Variants in PTBP3 observed in about 807,000 individuals in gnomAD.
PTBP3 encodes the protein polypyrimidine tract-binding protein 3.
PTBP3 carries 20 observed loss-of-function variants against 58.7 expected under a neutral mutation model. The observed-to-expected ratio is 0.34, with a 90% CI of 0.24 to 0.50. The LOEUF is 0.50. Among genes scored for constraint, PTBP3 ranks in the 20% least tolerant of loss-of-function variants. The probability of loss-of-function intolerance (pLI) is 0.98; values close to 1 mark genes in which losing one functional copy is unlikely to be tolerated. For missense variants in PTBP3, 509 were observed against 637.2 expected, an observed-to-expected ratio of 0.80 and a Z score of 2.17; for synonymous variants, 185 against 219.8, an observed-to-expected ratio of 0.84 and a Z score of 1.40.
chr9:112,268,103 A>G lies in PTBP3; in HGVS notation c.297T>C (p.Tyr99=). Residue 99 remains tyrosine (Y), a synonymous_variant, in exon 4 of 14, where the codon TAT becomes TAC. Coordinates refer to ENST00000374257, the MANE Select transcript of PTBP3 (RefSeq NM_001163788.4). ...GTTCTCTGTGATTGGAATACTGAATATAAACAGGCTGGCTTCGAAGGTGAG... is the reference window on the plus strand; with the variant it reads ...GTTCTCTGTGATTGGAATACTGAATGTAAACAGGCTGGCTTCGAAGGTGAG... ...ITPHLRSQPV[Y]IQYSNHRELK... 6.2e-7 allele frequency: 1 copy of G among 1,613,898 alleles called. No homozygotes were observed. The highest frequency in any genetic ancestry group is 8.5e-7 in the Non-Finnish European group (1 of 1,179,798).
At chr9:112,276,138 C>T in intron 2 of PTBP3, 125 bp from the exon 3 acceptor site, 1 of 780,006 alleles carries the variant, frequency 1.3e-6, no homozygotes, top group Non-Finnish European at 2.1e-6. Context: ...AAACGTGGGG[C>T]TGATGGGGGT....
chr9:112,267,465 T>C (rs1827144923), intron 4 of PTBP3, among the ~76,000 whole-genome samples: 1 of 152,200 alleles, frequency 6.6e-6, no homozygotes, highest in Admixed American at 6.5e-5. Context: ...TTAAAATGTA[T>C]TTACTTTGTG....
At chr9:112,331,725 G>A (rs1254967913) in intron 1 of PTBP3, among the ~76,000 whole-genome samples, 1 of 152,180 alleles carries the variant, frequency 6.6e-6, no homozygotes, top group African/African-American at 2.4e-5. Flanking sequence ...CTGTATAACT[G>A]CCTTGCATAT....
chr9:112,330,830 T>C lies in PTBP3; in HGVS notation c.-52+2640A>G, dbSNP rs2132491883. ...AGTTTGTTCTTTTAAGTCACTGGCA[T>C]GAATAATCGTGTCTGAGGTTTTAAA... On this transcript the variant is annotated intron_variant, in intron 1 of 13. Transcript: ENST00000374257. 2.0e-5 allele frequency among the ~76,000 whole-genome samples: 3 copies of C among 152,308 alleles called. 1 individual carries two copies. In the Middle Eastern group the frequency reaches 0.01, roughly 518 times the overall value.
Position 112,267,133 on chromosome 9 carries a change from G to A in PTBP3, c.351+916C>T, listed in dbSNP as rs75337346. Among the ~76,000 whole-genome samples the A allele has an allele frequency of 9.1e-3, 1,366 of 150,908 alleles. 24 individuals carry two copies. Among genetic ancestry groups the A allele is most frequent in the African/African-American group, 0.027 (1,095 of 41,098 alleles). On this transcript the variant is annotated intron_variant, in intron 4 of 13. Coordinates refer to ENST00000374257, the MANE Select transcript of PTBP3 (RefSeq NM_001163788.4). ...GAGCAAGAATACAGAGGCCAAACAT[G>A]CCCTTAAAATCATAATTTTAAAAAA...
At chr9:112,377,808 C>T in the PTBP3 span, among the ~76,000 whole-genome samples, 1 of 152,182 alleles carries the variant, frequency 6.6e-6, no homozygotes, top group Non-Finnish European at 1.5e-5. Flanking sequence ...TCACCATCCT[C>T]CCAGGACTTT....
chr9:112,327,498 T>G (rs921401878), intron 1 of PTBP3, among the ~76,000 whole-genome samples: 3 of 152,130 alleles, frequency 2.0e-5, no homozygotes, highest in Non-Finnish European at 4.4e-5. Context: ...AGGTGGAGAT[T>G]GCAGTGAGCC....
At chr9:112,376,276 A>G in the PTBP3 span, among the ~76,000 whole-genome samples, 2 of 82,754 alleles carry the variant, frequency 2.4e-5, no homozygotes, top group Admixed American at 1.6e-4. Context: ...TTTTTTTGAG[A>G]AAGAGTCTCG....
the PTBP3 span, among the ~76,000 whole-genome samples, chr9:112,362,311 G>T: frequency 6.6e-6 from 1 of 152,092 alleles, no homozygotes; most frequent in South Asian, 2.1e-4. Context: ...AAAAGGAAAA[G>T]AAAAAATATC....
At chr9:112,237,992 C>T (rs1362295861) in intron 7 of PTBP3, among the ~76,000 whole-genome samples, 1 of 152,060 alleles carries the variant, frequency 6.6e-6, no homozygotes, top group Non-Finnish European at 1.5e-5. Context: ...AACGTAGAGC[C>T]TTTAATGCTG....
intron 7 of PTBP3, among the ~76,000 whole-genome samples, chr9:112,240,996 A>C (rs1171257133): frequency 6.6e-6 from 1 of 152,260 alleles, no homozygotes; most frequent in East Asian, 1.9e-4. Context: ...TTGTGTTTCA[A>C]GGTAAGTATT....
chr9:112,372,594 A>C, the PTBP3 span, among the ~76,000 whole-genome samples: 1 of 152,164 alleles, frequency 6.6e-6, no homozygotes, highest in African/African-American at 2.4e-5. Flanking sequence ...TCTGGCAGCC[A>C]CCAATCTGCT....
chr9:112,340,812 G>C, the PTBP3 span, among the ~76,000 whole-genome samples: 904 of 151,496 alleles, frequency 6.0e-3, 18 homozygotes, highest in African/African-American at 0.021. Flanking sequence ...GGAGGCGGAG[G>C]TTGCGGTGAG....
intron 7 of PTBP3, chr9:112,242,948 G>C (rs998169237): frequency 2.6e-5 from 4 of 151,980 alleles, no homozygotes; most frequent in Non-Finnish European, 5.9e-5. Flanking sequence ...ATACAAAACC[G>C]ACTTGTTGAA....
chr9:112,298,221 T>C (rs554265918), intron 1 of PTBP3, among the ~76,000 whole-genome samples: 3 of 152,348 alleles, frequency 2.0e-5, no homozygotes, highest in Non-Finnish European at 2.9e-5. Context: ...GGGGTTGCAT[T>C]ATGACATTGT....
intron 3 of PTBP3, among the ~76,000 whole-genome samples, chr9:112,275,480 TC>T (rs1827570938): frequency 6.6e-6 from 1 of 152,204 alleles, no homozygotes; most frequent in African/African-American, 2.4e-5. Flanking sequence ...ACTTAACTGT[TC>T]TTTAATTTGC....
At chr9:112,337,687 G>C (rs1471991799), upstream of PTBP3, among the ~76,000 whole-genome samples, 5 of 152,186 alleles carry the variant, frequency 3.3e-5, no homozygotes, top group African/African-American at 4.8e-5. Flanking sequence ...TTTCTCTTGT[G>C]TTTTTGTTCT....
In PTBP3 at chr9:112,218,514, A is replaced by G. The variant is rs1371494700; in HGVS notation, c.*5337T>C. ...TATTTGTTAGGAAAAGAGATTAGAG[A>G]TATCAAGTAATAGTCAGCAAATATA... On this transcript the variant is annotated 3_prime_UTR_variant, in exon 14 of 14. Coordinates refer to ENST00000374257, the MANE Select transcript of PTBP3 (RefSeq NM_001163788.4). The G allele has an allele frequency of 6.6e-6, 1 of 152,670 alleles. No homozygotes were observed. Among genetic ancestry groups the G allele is most frequent in the South Asian group, 2.1e-4 (1 of 4,834 alleles). 9.5% of individuals were successfully genotyped at this position (152,670 alleles called of 1,614,324 possible). A position where few individuals can be genotyped will look rare whatever the true frequency, so the allele number is the denominator to read the frequency against.
chr9:112,231,538 T>C (rs1835199865), intron 9 of PTBP3, 125 bp from the exon 10 acceptor site: 2 of 671,822 alleles, frequency 3.0e-6, no homozygotes, highest in Non-Finnish European at 4.8e-6. Flanking sequence ...CTTCCGTATA[T>C]ACTAGTGATG....
Sources: allele counts gnomAD v4.1 joint callset (sites outside exome capture counted in the v4.1 genomes callset), GRCh38; gene constraint gnomAD v4.1.1; transcripts MANE v1.5; gene names NCBI Gene and HGNC (gene_info 2026-07-23, HGNC 2026-07-21).